The following CALN1 variants were observed in gnomAD, a reference collection of about 807,000 sequenced individuals.
CALN1 encodes the protein calcium-binding protein 8.
A neutral mutation model predicts 30.6 loss-of-function variants in CALN1; 17 were observed. The observed-to-expected ratio is 0.56, with a 90% CI of 0.38 to 0.83. The LOEUF is 0.83. CALN1 is among the 40% of genes least tolerant of loss of function. The probability of loss-of-function intolerance (pLI) is 0.00; values close to 1 mark genes in which losing one functional copy is unlikely to be tolerated. For missense variants in CALN1, 291 were observed against 354.9 expected, an observed-to-expected ratio of 0.82 and a Z score of 1.45; for synonymous variants, 156 against 131.4, an observed-to-expected ratio of 1.19 and a Z score of -1.28.
the CALN1 span, among the ~76,000 whole-genome samples, chr7:72,453,161 T>C: frequency 6.6e-6 from 1 of 152,062 alleles, no homozygotes; most frequent in Non-Finnish European, 1.5e-5. Context: ...AACCCCAAAA[T>C]TGGGGCTTAG....
intron 5 of CALN1, among the ~76,000 whole-genome samples, chr7:71,812,322 CA>C (rs1174619573): frequency 1.3e-5 from 2 of 152,156 alleles, no homozygotes; most frequent in Non-Finnish European, 2.9e-5. Flanking sequence ...AAGAGGCTAC[CA>C]TAACCAAAAT....
chr7:72,019,900 T>C (rs1156422558), intron 5 of CALN1, among the ~76,000 whole-genome samples: 1 of 152,192 alleles, frequency 6.6e-6, no homozygotes, highest in East Asian at 1.9e-4. Flanking sequence ...CTAGAAGTAG[T>C]CTCAGGTCTG....
At chr7:72,155,278 G>A (rs1031955777) in intron 3 of CALN1, among the ~76,000 whole-genome samples, 1 of 152,014 alleles carries the variant, frequency 6.6e-6, no homozygotes, top group Non-Finnish European at 1.5e-5. Flanking sequence ...GTTTAACAAG[G>A]TCAGGAGATC....
intron 1 of CALN1, among the ~76,000 whole-genome samples, chr7:72,442,469 A>G (rs1808378066): frequency 6.6e-6 from 1 of 152,136 alleles, no homozygotes; most frequent in Non-Finnish European, 1.5e-5. Flanking sequence ...GTAGGGTTGC[A>G]CTTATTTAGG....
intron 5 of CALN1, among the ~76,000 whole-genome samples, chr7:71,884,271 T>C (rs1376364823): frequency 1.3e-5 from 2 of 152,190 alleles, no homozygotes; most frequent in Admixed American, 6.5e-5. Context: ...TGGGTTTGCA[T>C]AGACCCGCCC....
chr7:71,959,341 G>C (rs1797121321), intron 5 of CALN1, among the ~76,000 whole-genome samples: 1 of 152,260 alleles, frequency 6.6e-6, no homozygotes, highest in South Asian at 2.1e-4. Flanking sequence ...TTCTTTCTTG[G>C]AGATCGCAAA....
chr7:71,932,356 G>A (rs1386876534), intron 5 of CALN1, among the ~76,000 whole-genome samples: 1 of 152,020 alleles, frequency 6.6e-6, no homozygotes, highest in Non-Finnish European at 1.5e-5. Context: ...TCATAGAGAT[G>A]AGGTCTCACT....
At chr7:71,795,410 G>C (rs1466553198) in intron 6 of CALN1, among the ~76,000 whole-genome samples, 1 of 152,028 alleles carries the variant, frequency 6.6e-6, no homozygotes, top group Non-Finnish European at 1.5e-5. Flanking sequence ...AAAAGGGCCT[G>C]CTCCTTGTGT....
At chr7:72,343,616 T>C (rs1040455658) in intron 2 of CALN1, among the ~76,000 whole-genome samples, 2 of 152,062 alleles carry the variant, frequency 1.3e-5, no homozygotes, top group African/African-American at 4.8e-5. Flanking sequence ...ACTAGGGTGA[T>C]TTCCAAGTGG....
chr7:71,808,923 C>G (rs1230449325), intron 6 of CALN1, among the ~76,000 whole-genome samples: 1 of 152,146 alleles, frequency 6.6e-6, no homozygotes, highest in African/African-American at 2.4e-5. Context: ...CCTCCTCACC[C>G]TCGCATGTCC....
intron 3 of CALN1, among the ~76,000 whole-genome samples, chr7:72,261,780 C>G (rs527547313): frequency 2.0e-5 from 3 of 152,082 alleles, no homozygotes; most frequent in Non-Finnish European, 4.4e-5. Flanking sequence ...CTTTTTTCAC[C>G]ATCACCATAA....
At chr7:71,840,485 TAAAA>T (rs61579583) in intron 5 of CALN1, among the ~76,000 whole-genome samples, 4 of 101,332 alleles carry the variant, frequency 3.9e-5, no homozygotes, top group Admixed American at 1.1e-4. Context: ...ATGCTCTCTT[TAAAA>T]AAAAAAAAAA....
intron 5 of CALN1, among the ~76,000 whole-genome samples, chr7:71,947,120 C>G (rs1262249536): frequency 2.0e-5 from 3 of 152,096 alleles, no homozygotes; most frequent in African/African-American, 7.2e-5. Context: ...AAGCCATTCT[C>G]GTGCCACAGC....
intron 5 of CALN1, among the ~76,000 whole-genome samples, chr7:71,986,856 G>C (rs553280405): frequency 6.6e-6 from 1 of 152,106 alleles, no homozygotes; most frequent in Non-Finnish European, 1.5e-5. Flanking sequence ...GGCCAGGCAC[G>C]ATGGCTCATG....
intron 3 of CALN1, among the ~76,000 whole-genome samples, chr7:72,221,347 T>G (rs1793282801): frequency 7.3e-6 from 1 of 137,780 alleles, no homozygotes; most frequent in African/African-American, 2.8e-5. Flanking sequence ...AGACGGGGTA[T>G]CTATCTGTTG....
chr7:71,946,941 A>T (rs1796435903), intron 5 of CALN1, among the ~76,000 whole-genome samples: 1 of 152,024 alleles, frequency 6.6e-6, no homozygotes, highest in Non-Finnish European at 1.5e-5. Context: ...CCTTGACCCA[A>T]AGCACTAGGA....
At chr7:72,112,534 T>C (rs1343210708) in intron 3 of CALN1, among the ~76,000 whole-genome samples, 1 of 152,154 alleles carries the variant, frequency 6.6e-6, no homozygotes, top group Non-Finnish European at 1.5e-5. Context: ...TTAAAAGCTA[T>C]GGAAATGCAC....
At chr7:72,327,079 T>C (rs1443334174) in intron 2 of CALN1, among the ~76,000 whole-genome samples, 2 of 152,230 alleles carry the variant, frequency 1.3e-5, no homozygotes, top group East Asian at 1.9e-4. Flanking sequence ...AGACTGAGTT[T>C]GTGGCAGTTA....
chr7:72,304,276 C>T (rs1459119914), intron 2 of CALN1, among the ~76,000 whole-genome samples: 2 of 152,220 alleles, frequency 1.3e-5, no homozygotes, highest in South Asian at 2.1e-4. Flanking sequence ...AAAGACTCCA[C>T]GTTCTTCCTG....
Sources: allele counts gnomAD v4.1 joint callset (sites outside exome capture counted in the v4.1 genomes callset), GRCh38; gene constraint gnomAD v4.1.1; transcripts MANE v1.5; gene names NCBI Gene and HGNC (gene_info 2026-07-23, HGNC 2026-07-21).